The following GLG1 variants were observed in gnomAD, a reference collection of about 807,000 sequenced individuals.
GLG1 encodes the protein Golgi apparatus protein 1.
A neutral mutation model predicts 160.5 loss-of-function variants in GLG1; 38 were observed. That is an observed-to-expected ratio of 0.24 (90% confidence interval 0.18 to 0.31). The LOEUF (loss-of-function observed/expected upper bound fraction) is 0.31. GLG1 is among the 10% of genes least tolerant of loss of function. The pLI, the probability that GLG1 is intolerant of heterozygous loss-of-function variation, is 1.00. For missense variants in GLG1, 1,373 were observed against 1,505.2 expected (o/e 0.91, Z 1.45); for synonymous variants, 644 against 543.4 (o/e 1.19, Z -2.57).
intron 2 of GLG1, among the ~76,000 whole-genome samples, chr16:74,511,227 C>A (rs539261754): frequency 1.3e-5 from 2 of 152,142 alleles, no homozygotes; most frequent in Non-Finnish European, 2.9e-5. Context: ...GACATGGAAG[C>A]ATGCAGTTAA....
intron 1 of GLG1, among the ~76,000 whole-genome samples, chr16:74,545,109 G>T (rs57024259): frequency 0.086 from 13,096 of 152,132 alleles, 612 homozygotes; most frequent in African/African-American, 0.11. Flanking sequence ...CTAGAAAAAA[G>T]GAATAAATTC....
At chr16:74,497,294 ACAC>A (rs759935683) in intron 4 of GLG1, among the ~76,000 whole-genome samples, 1 of 69,826 alleles carries the variant, frequency 1.4e-5, no homozygotes, top group Non-Finnish European at 2.7e-5. Flanking sequence ...TGTAAAAAAA[ACAC>A]ACACACACAC....
At chr16:74,504,172 T>G (rs1159528715) in intron 3 of GLG1, among the ~76,000 whole-genome samples, 1 of 152,108 alleles carries the variant, frequency 6.6e-6, no homozygotes, top group African/African-American at 2.4e-5. Flanking sequence ...GGTGCAAAAG[T>G]GAAGTCCAGC....
At chr16:74,601,116 T>C (rs1484306646) in intron 1 of GLG1, among the ~76,000 whole-genome samples, 3 of 152,154 alleles carry the variant, frequency 2.0e-5, no homozygotes. Context: ...AGCCAAACAA[T>C]GTTTGGATTA....
chr16:74,499,050 A>T (rs532329692), intron 4 of GLG1, among the ~76,000 whole-genome samples: 1 of 152,208 alleles, frequency 6.6e-6, no homozygotes, highest in East Asian at 1.9e-4. Context: ...ACACATATGA[A>T]GAAAGGACAC....
At chr16:74,601,672 T>C (rs1433826047) in intron 1 of GLG1, among the ~76,000 whole-genome samples, 1 of 152,230 alleles carries the variant, frequency 6.6e-6, no homozygotes, top group East Asian at 1.9e-4. Context: ...ATTCGGTTTA[T>C]GATGCACTCA....
At chr16:74,563,173 G>A (rs2018554774) in intron 1 of GLG1, 1 of 152,070 alleles carries the variant, frequency 6.6e-6, no homozygotes, top group Non-Finnish European at 1.5e-5. Context: ...GCACCAATGG[G>A]GCACACTTTT....
In GLG1 at chr16:74,491,136, A is replaced by C. The variant is rs759855122; in HGVS notation, c.1314T>G (p.Pro438=). ...CCCCCCGACAGCTTAGGATGATCTC[A>C]GGGCTCAGAGAAAAGTCTTCCATCA... ...RMLMEDFSLS[P]EIILSCRGEI... Residue 438 remains proline, a synonymous_variant, in exon 8 of 26, where the codon CCT becomes CCG. Transcript: ENST00000422840. 5.0e-6 allele frequency: 8 copies of C among 1,613,304 alleles called. No homozygotes were observed. In the African/African-American group the frequency reaches 8.0e-5, roughly 16 times the overall value.
chr16:74,606,435 AC>A (rs1958567560), intron 1 of GLG1, among the ~76,000 whole-genome samples: 1 of 152,104 alleles, frequency 6.6e-6, no homozygotes. Context: ...TTCGTCCCAG[AC>A]CCCGGCAACA....
chr16:74,511,637 G>C (rs549452550), intron 2 of GLG1, among the ~76,000 whole-genome samples: 1 of 150,384 alleles, frequency 6.6e-6, no homozygotes, highest in Non-Finnish European at 1.5e-5. Flanking sequence ...AAGCTTTCTG[G>C]TATCACAAAA....
At chr16:74,459,530 G>A (rs1450342910) in intron 23 of GLG1, 152 bp downstream of exon 23, 4 of 632,578 alleles carry the variant, frequency 6.3e-6, no homozygotes, top group Non-Finnish European at 1.1e-5. Context: ...TCAAATGAAA[G>A]TTTGGTAAGA....
At chr16:74,583,530 C>T (rs1414480843) in intron 1 of GLG1, among the ~76,000 whole-genome samples, 1 of 152,118 alleles carries the variant, frequency 6.6e-6, no homozygotes, top group Admixed American at 6.6e-5. Context: ...CAGGCGCACG[C>T]CACCACACCT....
chr16:74,597,633 A>C (rs1201826933), intron 1 of GLG1, among the ~76,000 whole-genome samples: 2 of 151,608 alleles, frequency 1.3e-5, no homozygotes, highest in Non-Finnish European at 2.9e-5. Flanking sequence ...GCTGGCGGAT[A>C]ACGAGGTCAG....
chr16:74,454,857 A>G (rs1159603964), intron 25 of GLG1, among the ~76,000 whole-genome samples: 1 of 151,236 alleles, frequency 6.6e-6, no homozygotes, highest in Non-Finnish European at 1.5e-5. Context: ...TTCATTCACC[A>G]TTATATCATA....
At chr16:74,472,940 A>T (rs930560919) in intron 13 of GLG1, 7 of 174,558 alleles carry the variant, frequency 4.0e-5, no homozygotes, top group East Asian at 1.6e-4. Flanking sequence ...GACTGCTCTC[A>T]TAAGTCCATG....
intron 1 of GLG1, among the ~76,000 whole-genome samples, chr16:74,575,914 A>G (rs1422756531): frequency 6.6e-6 from 1 of 152,084 alleles, no homozygotes; most frequent in African/African-American, 2.4e-5. Context: ...TCAAAATTCC[A>G]AACTAGCCAG....
At chr16:74,501,168 G>T (rs1249101179) in intron 4 of GLG1, among the ~76,000 whole-genome samples, 1 of 152,182 alleles carries the variant, frequency 6.6e-6, no homozygotes, top group African/African-American at 2.4e-5. Flanking sequence ...GCAAACTACG[G>T]GTTTTAGAAA....
chr16:74,492,701 C>T lies in GLG1; in HGVS notation c.1234+256G>A, dbSNP rs145999240. Among the ~76,000 whole-genome samples, 341 of 152,036 alleles carry T rather than the reference C, an allele frequency of 2.2e-3. 2 individuals carry two copies. The highest frequency in any genetic ancestry group is 7.9e-3 in the African/African-American group (327 of 41,490). ...AGGCGCAGTGGCACTCGCCTGTAAT[C>T]CCAGCTACTTGGGAGGCTGAGGCAG... is the stretch of plus-strand genomic sequence containing the variant. On this transcript the variant is annotated intron_variant, in intron 7 of 25. Transcript: ENST00000422840.
intron 3 of GLG1, among the ~76,000 whole-genome samples, chr16:74,505,405 A>G (rs990420133): frequency 5.9e-5 from 9 of 152,352 alleles, no homozygotes; most frequent in South Asian, 2.1e-4. Context: ...TTTAACCCCA[A>G]GTAAGTTTTT....
Sources: gnomAD v4.1 joint callset for allele counts (sites outside exome capture counted in the v4.1 genomes callset) on GRCh38, gnomAD v4.1.1 for gene constraint, MANE v1.5 for transcripts, NCBI Gene and HGNC (gene_info 2026-07-23, HGNC 2026-07-21) for gene names.